Variants in FLCN observed in about 807,000 individuals in gnomAD.
FLCN encodes BHD skin lesion fibrofolliculoma protein.
Under a neutral mutation model 62.5 loss-of-function variants are expected in FLCN, and 22 were observed. The observed-to-expected ratio is 0.35, with a 90% CI of 0.25 to 0.50. The LOEUF (loss-of-function observed/expected upper bound fraction) is 0.50, where lower values mean the gene tolerates loss of function less well. Ranked by LOEUF, FLCN falls within the 20% of genes least tolerant of loss-of-function variation. The probability of loss-of-function intolerance (pLI) is 0.97; values close to 1 mark genes in which losing one functional copy is unlikely to be tolerated. For missense variants in FLCN, 657 were observed against 778.0 expected (o/e 0.84, Z 1.85); for synonymous variants, 319 against 310.0 (o/e 1.03, Z -0.30).
Position 17,228,063 on chromosome 17 carries a change from C to T in FLCN, c.75G>A (p.Leu25=), listed in dbSNP as rs200350612. 389 of 1,613,766 alleles carry T rather than the reference C, an allele frequency of 2.4e-4. 3 individuals carry two copies. The South Asian group carries it at 4.0e-3, about 16-fold the overall frequency. Residue 25 remains leucine, a synonymous_variant, in exon 4 of 14, where the codon CTG becomes CTA. Transcript: ENST00000285071. The stretch of plus-strand genomic sequence containing the variant: ...CATCCCCTTGAGGAAGTGGGGCGTG[C>T]AGCACCTCCGTGCAGAAGAGAGTGC... The part of the protein sequence containing the change: ...GPRTLFCTEV[L]HAPLPQGDGN...
chr17:17,218,949 G>T lies in FLCN; in HGVS notation c.1062+70C>A, dbSNP rs150076642. Reference sequence around the variant, plus strand: ...AAGGTGGAGGGTCCAGAGGCAAGGCGTGTGGGCAGGGACAGCCCATGACTG... The same window carrying T: ...AAGGTGGAGGGTCCAGAGGCAAGGCTTGTGGGCAGGGACAGCCCATGACTG... On this transcript the variant is annotated intron_variant, in intron 9 of 13. Transcript: ENST00000285071. 1.8e-5 allele frequency: 28 copies of T among 1,554,318 alleles called. No homozygotes were observed. In the African/African-American group the frequency reaches 3.6e-4, roughly 20 times the overall value.
chr17:17,222,920 C>T (rs1042263868), intron 6 of FLCN: 7 of 504,914 alleles, frequency 1.4e-5, no homozygotes, highest in Non-Finnish European at 2.2e-5. Context: ...ACCCAAGGCA[C>T]CCAGGGGGAT....
Position 17,228,175 on chromosome 17 carries a change from G to C in FLCN, c.-24-14C>G. 2 of 1,604,946 alleles carry C rather than the reference G, an allele frequency of 1.2e-6. No homozygotes were observed. The highest frequency in any genetic ancestry group is 1.7e-6 in the Non-Finnish European group (2 of 1,177,260). On this transcript the variant is annotated splice_polypyrimidine_tract_variant and intron_variant, in intron 3 of 13. Coordinates refer to ENST00000285071, the MANE Select transcript of FLCN (RefSeq NM_144997.7). Reference sequence around the variant, plus strand: ...ACTGCAACAGGCCTGCGTGGGACAGGGGACATGTCAGCTTGCCAATGCCTA... The same window carrying C: ...ACTGCAACAGGCCTGCGTGGGACAGCGGACATGTCAGCTTGCCAATGCCTA...
At chr17:17,231,161 C>G (rs1597626210) in intron 3 of FLCN, among the ~76,000 whole-genome samples, 1 of 152,190 alleles carries the variant, frequency 6.6e-6, no homozygotes, top group Non-Finnish European at 1.5e-5. Context: ...GACTGCGCAA[C>G]TGCAGTCCAG....
chr17:17,216,252 G>C lies in FLCN; in HGVS notation c.1300+128C>G, dbSNP rs2144853747. 1 of 1,370,062 alleles carries C rather than the reference G, an allele frequency of 7.3e-7. No homozygotes were observed. Among genetic ancestry groups the C allele is most frequent in the African/African-American group, 1.4e-5 (1 of 70,238 alleles). The allele number at this position is 1,370,062 out of a possible 1,614,324, so 84.9% of individuals were successfully genotyped here. A position where few individuals can be genotyped will look rare whatever the true frequency, so the allele number is the denominator to read the frequency against. ...ATAGAACACGGAGGCCCAGAGCCAT[G>C]GGGGAAGCTGGCCCTGCAATGAGGC... On this transcript the variant is annotated intron_variant, in intron 11 of 13. Coordinates refer to ENST00000285071, the MANE Select transcript of FLCN (RefSeq NM_144997.7). The surrounding 1 kb of genome is among the most constrained non-coding windows in gnomAD (Gnocchi z 4.0).
In FLCN at chr17:17,221,614, C is replaced by T; in HGVS notation, c.794G>A (p.Cys265Tyr). 6.2e-7 allele frequency: 1 copy of T among 1,608,736 alleles called. No homozygotes were observed. The highest frequency in any genetic ancestry group is 8.5e-7 in the Non-Finnish European group (1 of 1,179,960). Residue 265 changes from cysteine (C) to tyrosine (Y), a missense_variant, in exon 8 of 14, where the codon TGT (cysteine) becomes TAT (tyrosine). Physicochemically the swap from Cys to Tyr is radical, Grantham distance 194. Transcript: ENST00000285071. The stretch of plus-strand genomic sequence containing the variant: ...GAGCTTCTCGGTCAGCCGGCTGCCA[C>T]ACGCCTTCAGGAGCCTGGAGAACAC... ...HTSFAWLLKA[C>Y]GSRLTEKLLE...
At chr17:17,217,889 A>T (rs2046972385) in intron 9 of FLCN, among the ~76,000 whole-genome samples, 1 of 152,170 alleles carries the variant, frequency 6.6e-6, no homozygotes, top group Non-Finnish European at 1.5e-5. Flanking sequence ...ATGTCTCACC[A>T]AACCCCAACA....
At chr17:17,214,047 G>A (rs1429670220) in intron 13 of FLCN, among the ~76,000 whole-genome samples, 191 bp from the exon 14 acceptor site, 3 of 152,158 alleles carry the variant, frequency 2.0e-5, no homozygotes, top group South Asian at 4.1e-4. Context: ...GCAAGGAAGG[G>A]AAGCTGTCGG....
In FLCN at chr17:17,218,999, G is replaced by C; in HGVS notation, c.1062+20C>G. 6.2e-7 allele frequency: 1 copy of C among 1,611,792 alleles called. No homozygotes were observed. The highest frequency in any genetic ancestry group is 8.5e-7 in the Non-Finnish European group (1 of 1,179,714). On this transcript the variant is annotated intron_variant, in intron 9 of 13. Coordinates refer to ENST00000285071, the MANE Select transcript of FLCN (RefSeq NM_144997.7). ...GGCTCTCCTCCTGAGCTCCTGATGC[G>C]CTGTGCCCCTGCCGCCTACCTGCCT...
intron 6 of FLCN, 84 bp downstream of exon 6, chr17:17,223,838 G>T: frequency 7.3e-7 from 1 of 1,377,540 alleles, no homozygotes; most frequent in African/African-American, 1.4e-5. Context: ...GACGCCACGC[G>T]GTCTCCAGGC....
rs1405360993 is a variant in FLCN, at chr17:17,237,116, G to A, written c.-432C>T. The A allele has an allele frequency of 1.3e-5, 2 of 152,364 alleles. No homozygotes were observed. The highest frequency in any genetic ancestry group is 3.9e-4 in the East Asian group (2 of 5,184). The allele number at this position is 152,364 out of a possible 1,614,324, so 9.4% of individuals were successfully genotyped here. On this transcript the variant is annotated 5_prime_UTR_variant, in exon 1 of 14. Coordinates refer to ENST00000285071, the MANE Select transcript of FLCN (RefSeq NM_144997.7). Reference sequence around the variant, plus strand: ...CAAGCCCGGGTTCAGGCTCTCAGGGGAGCTGGCAGAACCAGGAGCGACCAC... The same window carrying A: ...CAAGCCCGGGTTCAGGCTCTCAGGGAAGCTGGCAGAACCAGGAGCGACCAC...
chr17:17,213,024 C>T lies in FLCN; in HGVS notation c.*631G>A. The T allele has an allele frequency of 4.1e-6, 1 of 241,592 alleles. No homozygotes were observed. The highest frequency in any genetic ancestry group is 8.2e-6 in the Non-Finnish European group (1 of 122,308). 15.0% of individuals were successfully genotyped at this position (241,592 alleles called of 1,614,324 possible). ...ACTCCATCATTAAGCCCCAGGTTAC[C>T]TTCACCAGCACCTGCAGGGGAACAC... On this transcript the variant is annotated 3_prime_UTR_variant, in exon 14 of 14. Coordinates refer to ENST00000285071, the MANE Select transcript of FLCN (RefSeq NM_144997.7).
Position 17,222,357 on chromosome 17 carries a change from C to T in FLCN, c.779+144G>A, listed in dbSNP as rs2047117479. 2.6e-6 allele frequency: 3 copies of T among 1,144,440 alleles called. No individual in the cohort carries two copies. In the Admixed American group the frequency reaches 6.0e-5, roughly 23 times the overall value. 70.9% of individuals were successfully genotyped at this position (1,144,440 alleles called of 1,614,324 possible). A position where few individuals can be genotyped will look rare whatever the true frequency, so the allele number is the denominator to read the frequency against. On this transcript the variant is annotated intron_variant, in intron 7 of 13. Transcript: ENST00000285071. ...CCCAGCCCAGATCTGTGCTCACTGA[C>T]AAGTGCCCACAGGCCAGTGCTCCTC...
intron 13 of FLCN, among the ~76,000 whole-genome samples, chr17:17,214,220 CAAT>C (rs990894524): frequency 2.0e-5 from 3 of 151,638 alleles, no homozygotes; most frequent in Non-Finnish European, 4.4e-5. Context: ...TAAATCAGGA[CAAT>C]GTTTGATTAA....
Position 17,213,977 on chromosome 17 carries a change from A to G in FLCN, c.1539-121T>C. On this transcript the variant is annotated intron_variant, in intron 13 of 13. Coordinates refer to ENST00000285071, the MANE Select transcript of FLCN (RefSeq NM_144997.7). ...GCAGGAGCTGTGCAGGCAGAGCTGG[A>G]ATCCACACCCTTGGGGCAGCAGGCT... 6.6e-6 allele frequency: 7 copies of G among 1,060,490 alleles called. 1 individual carries two copies. The highest frequency in any genetic ancestry group is 1.5e-5 in the African/African-American group (1 of 64,528). The allele number at this position is 1,060,490 out of a possible 1,614,324, so 65.7% of individuals were successfully genotyped here. A position where few individuals can be genotyped will look rare whatever the true frequency, so the allele number is the denominator to read the frequency against.
intron 9 of FLCN, chr17:17,217,584 C>G: frequency 1.2e-5 from 4 of 337,006 alleles, no homozygotes; most frequent in Non-Finnish European, 1.2e-5. Flanking sequence ...GAGACCATGA[C>G]TGCAGCCAGG....
Position 17,216,273 on chromosome 17 carries a change from G to A in FLCN, c.1300+107C>T. ...CCATGGGGGAAGCTGGCCCTGCAAT[G>A]AGGCCTCCTCTCCACAACCCATGAC... On this transcript the variant is annotated intron_variant, in intron 11 of 13. Transcript: ENST00000285071. This position sits in a 1 kb window ranked among gnomAD's most constrained non-coding sequence, Gnocchi z 4.0. The A allele has an allele frequency of 6.6e-7, 1 of 1,511,372 alleles. No individual in the cohort carries two copies. The highest frequency in any genetic ancestry group is 9.0e-7 in the Non-Finnish European group (1 of 1,115,030). 93.6% of individuals were successfully genotyped at this position (1,511,372 alleles called of 1,614,324 possible). A position where few individuals can be genotyped will look rare whatever the true frequency, so the allele number is the denominator to read the frequency against.
intron 6 of FLCN, among the ~76,000 whole-genome samples, chr17:17,223,543 A>ACATGG (rs1555610090): frequency 6.6e-6 from 1 of 152,220 alleles, no homozygotes; most frequent in Non-Finnish European, 1.5e-5. Context: ...CCAGAGCACG[A>ACATGG]CCTGGCCTGG....
Position 17,224,521 on chromosome 17 carries a change from G to A in FLCN, c.397-378C>T, listed in dbSNP as rs757898929. The A allele has an allele frequency of 3.3e-4, 126 of 379,740 alleles. No homozygotes were observed. The highest frequency in any genetic ancestry group is 2.1e-4 in the Admixed American group (5 of 23,654). 23.5% of individuals were successfully genotyped at this position (379,740 alleles called of 1,614,324 possible). The stretch of plus-strand genomic sequence containing the variant: ...CTGCACTCTCCCTGCACTGAAATCC[G>A]CACATTTTATTCTTTCTTTCTTTCT... On this transcript the variant is annotated intron_variant, in intron 5 of 13. Transcript: ENST00000285071.
Sources: gnomAD v4.1 joint callset for allele counts (sites outside exome capture counted in the v4.1 genomes callset) on GRCh38, gnomAD v4.1.1 for gene constraint, Gnocchi (gnomAD v3.1) non-coding constraint, MANE v1.5 for transcripts, NCBI Gene and HGNC (gene_info 2026-07-23, HGNC 2026-07-21) for gene names.